Variants in ANXA6 observed in about 807,000 individuals in gnomAD.
The protein encoded by ANXA6 is annexin A6, also known as 67 kDa calelectrin.
ANXA6 carries 71 observed loss-of-function variants against 95.4 expected under a neutral mutation model. That is an observed-to-expected ratio of 0.74 (90% CI 0.61 to 0.91). ANXA6 has a LOEUF of 0.91. Among genes scored for constraint, ANXA6 ranks in the 40% least tolerant of loss-of-function variants. The probability of loss-of-function intolerance (pLI) is 0.00; values close to 1 mark genes in which losing one functional copy is unlikely to be tolerated. For missense variants in ANXA6, 830 were observed against 876.4 expected (o/e 0.95, Z 0.67); for synonymous variants, 289 against 315.9 (o/e 0.91, Z 0.90).
intron 20 of ANXA6, among the ~76,000 whole-genome samples, chr5:151,111,775 G>A (rs577111840): frequency 1.3e-5 from 2 of 150,784 alleles, no homozygotes; most frequent in South Asian, 4.2e-4. Context: ...TTTTTGTAGA[G>A]AAGGGGTCTC....
Position 151,136,413 on chromosome 5 carries a change from A to T in ANXA6, c.410-78T>A. On this transcript the variant is annotated intron_variant, in intron 6 of 25. Transcript: ENST00000354546. The stretch of plus-strand genomic sequence containing the variant: ...AGGATAAAGGGCCCTGCTGCCCCCA[A>T]AATGATCAGATATTTTTAAGAATTC... The T allele has an allele frequency of 2.9e-6, 4 of 1,356,264 alleles. No individual in the cohort carries two copies. The South Asian group carries it at 4.9e-5, about 17-fold the overall frequency. The allele number at this position is 1,356,264 out of a possible 1,614,324, so 84.0% of individuals were successfully genotyped here. A position where few individuals can be genotyped will look rare whatever the true frequency, so the allele number is the denominator to read the frequency against.
chr5:151,115,049 AAG>A (rs1764960202), intron 20 of ANXA6, among the ~76,000 whole-genome samples: 1 of 152,234 alleles, frequency 6.6e-6, no homozygotes, highest in Non-Finnish European at 1.5e-5. Flanking sequence ...AATGTGATAA[AAG>A]AGTTTGCTAC....
chr5:151,115,194 T>C (rs533002918), intron 20 of ANXA6, among the ~76,000 whole-genome samples: 16 of 152,306 alleles, frequency 1.1e-4, no homozygotes, highest in African/African-American at 3.1e-4. Context: ...AAATAAAGAA[T>C]CCACTTTTAT....
intron 5 of ANXA6, 107 bp downstream of exon 5, chr5:151,138,571 A>G: frequency 1.4e-6 from 1 of 725,372 alleles, no homozygotes; most frequent in South Asian, 1.6e-5. Context: ...GAAGCAGGAC[A>G]CATGTGCTGG....
At chr5:151,123,091 T>A in intron 15 of ANXA6, 80 bp from the exon 16 acceptor site, 1 of 1,217,764 alleles carries the variant, frequency 8.2e-7, no homozygotes, top group Non-Finnish European at 1.2e-6. Context: ...TGATGGCCCC[T>A]CATCGATCTT....
At position 151,129,509 on chromosome 5, in the gene ANXA6, G is replaced by A; in HGVS notation, c.816C>T (p.Asn272=). 1 of 1,606,654 alleles carries A rather than the reference G, an allele frequency of 6.2e-7. No individual in the cohort carries two copies. The highest frequency in any genetic ancestry group is 1.3e-5 in the African/African-American group (1 of 74,942). The change falls in exon 12 of 26, where the codon AAC becomes AAT. Residue 272 remains asparagine (N), a synonymous_variant. Transcript: ENST00000354546. ...GGGAGACCATGATGCGGATCAGGGT[G>A]TTGTCCCGAGTCCCCAGGCCCTGCA... The part of the protein sequence containing the change: ...KAMKGLGTRD[N]TLIRIMVSRS...
chr5:151,126,573 CCA>C, intron 13 of ANXA6, 93 bp from the exon 14 acceptor site: 19 of 917,884 alleles, frequency 2.1e-5, no homozygotes, highest in South Asian at 2.9e-5. Context: ...CACACACACC[CCA>C]ACACATACAC....
rs995781330 is a variant in ANXA6 at position 151,103,697 on chromosome 5, T to C, written c.1840-5A>G. 2.5e-6 allele frequency: 4 copies of C among 1,607,126 alleles called. No individual in the cohort carries two copies. The African/African-American group carries it at 4.0e-5, about 16-fold the overall frequency. On this transcript the variant is annotated splice_region_variant and splice_polypyrimidine_tract_variant and intron_variant, in intron 24 of 25. Transcript: ENST00000354546. ...CTTCTCATCTGTGCCAGCACCCTGG[T>C]GGAGCCAGGCAGGAGGGAGACACAG...
intron 17 of ANXA6, among the ~76,000 whole-genome samples, chr5:151,119,918 C>T (rs1446649146): frequency 2.0e-5 from 3 of 152,220 alleles, no homozygotes; most frequent in Non-Finnish European, 4.4e-5. Context: ...CTTGCTCTGT[C>T]GCCCAGGCTG....
At chr5:151,118,768 A>G (rs1196335237) in intron 18 of ANXA6, among the ~76,000 whole-genome samples, 3 of 151,628 alleles carry the variant, frequency 2.0e-5, no homozygotes, top group Admixed American at 1.3e-4. Flanking sequence ...GGGTTTTGCC[A>G]TGTCGCCCAG....
chr5:151,123,944 G>A (rs1177499474), intron 15 of ANXA6, among the ~76,000 whole-genome samples: 1 of 152,206 alleles, frequency 6.6e-6, no homozygotes, highest in Non-Finnish European at 1.5e-5. Flanking sequence ...GACCCAGAGT[G>A]GCGGAGAGGC....
Position 151,124,348 on chromosome 5 carries a change from G to C in ANXA6, c.1076C>G (p.Pro359Arg). The change falls in exon 15 of 26, where the codon CCA becomes CGA. Residue 359 changes from proline to arginine, a missense_variant. Transcript: ENST00000354546. ...ARVELKGTVRPANDFNPDADA... is the reference protein window; with the variant it reads ...ARVELKGTVRRANDFNPDADA... The stretch of plus-strand genomic sequence containing the variant: ...TGCGTCAGGGTTGAAGTCATTGGCT[G>C]GGCGCACAGTTCCCTTCAGCTGTGA... The C allele has an allele frequency of 1.2e-6, 2 of 1,612,284 alleles. No homozygotes were observed. Among genetic ancestry groups the C allele is most frequent in the Non-Finnish European group, 1.7e-6 (2 of 1,179,270 alleles).
chr5:151,113,128 T>C (rs142457827), intron 20 of ANXA6, among the ~76,000 whole-genome samples: 1 of 152,300 alleles, frequency 6.6e-6, no homozygotes, highest in Non-Finnish European at 1.5e-5. Context: ...TGGCCAGGCA[T>C]GATGGCTCAC....
chr5:151,119,755 CTG>C (rs1035316043), intron 17 of ANXA6, among the ~76,000 whole-genome samples: 1 of 152,334 alleles, frequency 6.6e-6, no homozygotes, highest in African/African-American at 2.4e-5. Flanking sequence ...AGTTTGGTCT[CTG>C]TGTGAGTGAA....
intron 20 of ANXA6, among the ~76,000 whole-genome samples, chr5:151,112,026 C>T (rs1242095003): frequency 6.6e-6 from 1 of 151,834 alleles, no homozygotes; most frequent in East Asian, 1.9e-4. Context: ...GAACTCCTGA[C>T]CTTAGGTAAT....
At chr5:151,108,318 G>A in intron 23 of ANXA6, 137 bp downstream of exon 23, 1 of 758,276 alleles carries the variant, frequency 1.3e-6, no homozygotes, top group East Asian at 2.5e-5. Flanking sequence ...CACACATTTG[G>A]CAGCACCCCT....
chr5:151,140,370 G>T, intron 2 of ANXA6, 127 bp from the exon 3 acceptor site: 1 of 774,262 alleles, frequency 1.3e-6, no homozygotes, highest in Non-Finnish European at 2.2e-6. Context: ...TCCAGTGCTG[G>T]CCACATACAC....
At position 151,124,380 on chromosome 5, in the gene ANXA6, G is replaced by A. The variant is rs975399765; in HGVS notation, c.1057-13C>T. The A allele has an allele frequency of 3.0e-5, 48 of 1,605,064 alleles. No individual in the cohort carries two copies. Among genetic ancestry groups the A allele is most frequent in the Non-Finnish European group, 3.8e-5 (45 of 1,175,862 alleles). On this transcript the variant is annotated splice_polypyrimidine_tract_variant and intron_variant, in intron 14 of 25. Coordinates refer to ENST00000354546, the MANE Select transcript of ANXA6 (RefSeq NM_001155.5). Reference sequence around the variant, plus strand: ...CAGTTCCCTTCAGCTGTGAGAAGCAGAAAGAGACTCAGCAGGTGTCTGAAG... The same window carrying A: ...CAGTTCCCTTCAGCTGTGAGAAGCAAAAAGAGACTCAGCAGGTGTCTGAAG...
chr5:151,138,662 C>T lies in ANXA6; in HGVS notation c.318+16G>A, dbSNP rs777512776. ...CACATCCCCACCCCAACACCACATA[C>T]ACCCCCACTTCTTACCGAGATGGCA... On this transcript the variant is annotated intron_variant, in intron 5 of 25. Coordinates refer to ENST00000354546, the MANE Select transcript of ANXA6 (RefSeq NM_001155.5). 20 of 1,588,072 alleles carry T rather than the reference C, an allele frequency of 1.3e-5. No homozygotes were observed. Among genetic ancestry groups the T allele is most frequent in the Middle Eastern group, 3.3e-4 (2 of 6,012 alleles).
Sources: allele counts gnomAD v4.1 joint callset (sites outside exome capture counted in the v4.1 genomes callset), GRCh38; gene constraint gnomAD v4.1.1; transcripts MANE v1.5; gene names NCBI Gene and HGNC (gene_info 2026-07-23, HGNC 2026-07-21).